ANP32E: variants seen among roughly 807,000 people sequenced by gnomAD.
The protein encoded by ANP32E is acidic leucine-rich nuclear phosphoprotein 32 family member E.
A neutral mutation model predicts 35.3 loss-of-function variants in ANP32E; 14 were observed. That is an observed-to-expected ratio of 0.40 (90% CI 0.26 to 0.62). The LOEUF (loss-of-function observed/expected upper bound fraction) is 0.62. Among genes scored for constraint, ANP32E ranks in the 20% least tolerant of loss-of-function variants. The probability of loss-of-function intolerance (pLI) is 0.45; values close to 1 mark genes in which losing one functional copy is unlikely to be tolerated. For synonymous variants in ANP32E, 89 were observed against 110.4 expected (o/e 0.81, Z 1.22); for missense variants, 198 against 304.4 (o/e 0.65, Z 2.60).
rs942770322 is a variant in ANP32E, at chr1:150,218,857, T to C, written c.*1834A>G. The C allele has an allele frequency of 2.0e-5, 3 of 152,620 alleles. No individual in the cohort carries two copies. Among genetic ancestry groups the C allele is most frequent in the Non-Finnish European group, 2.9e-5 (2 of 68,020 alleles). The allele number at this position is 152,620 out of a possible 1,614,324, so 9.5% of individuals were successfully genotyped here. A position where few individuals can be genotyped will look rare whatever the true frequency, so the allele number is the denominator to read the frequency against. On this transcript the variant is annotated 3_prime_UTR_variant, in exon 7 of 7. Transcript: ENST00000583931. ...GATGATTGATAAGAAAGTCAATATA[T>C]AGATTTCATTTTAAAAATAAGTATT...
chr1:150,225,011 A>T (rs1008237403), intron 5 of ANP32E, among the ~76,000 whole-genome samples: 1 of 152,186 alleles, frequency 6.6e-6, no homozygotes, highest in African/African-American at 2.4e-5. Flanking sequence ...AAGTGGCCAA[A>T]TTATTTTACA....
rs1553837482 is a variant in ANP32E at position 150,220,750 on chromosome 1, G to T, written c.748C>A (p.Leu250Ile). 6.2e-7 allele frequency: 1 copy of T among 1,613,682 alleles called. No homozygotes were observed. The highest frequency in any genetic ancestry group is 8.5e-7 in the Non-Finnish European group (1 of 1,179,806). Residue 250 changes from leucine to isoleucine, a missense_variant, in exon 7 of 7, where the codon CTT (leucine) becomes ATT (isoleucine). Physicochemically the swap from Leu to Ile is conservative, Grantham distance 5 (BLOSUM62 2). Coordinates refer to ENST00000583931, the MANE Select transcript of ANP32E (RefSeq NM_030920.5). ...TCTCGTTTCCTCTTCTCCCCTCGAA[G>T]ACCTCCTTCTTCTTAAAGAGTGGAA... ...EEEEEEEEGG[L>I]RGEKRKRDAE...
In ANP32E at chr1:150,235,036, G is replaced by C. The variant is rs1553842892; in HGVS notation, c.54+697C>G. On this transcript the variant is annotated intron_variant, in intron 1 of 6. Coordinates refer to ENST00000583931, the MANE Select transcript of ANP32E (RefSeq NM_030920.5). This position sits in a 1 kb window ranked among gnomAD's most constrained non-coding sequence, Gnocchi z 4.2. ...TGCCACATATCGTTACACGGCGGGG[G>C]AAGAAGCGGATTACGCCTCCCGTCC... Among the ~76,000 whole-genome samples, 1 of 152,236 alleles carries C rather than the reference G, an allele frequency of 6.6e-6. No homozygotes were observed. The highest frequency in any genetic ancestry group is 1.5e-5 in the Non-Finnish European group (1 of 68,036).
At position 150,230,594 on chromosome 1, in the gene ANP32E, C is replaced by G; in HGVS notation, c.304G>C (p.Asp102His). The change falls in exon 3 of 7, where the codon GAT becomes CAT. Residue 102 changes from aspartate to histidine, a missense_variant. Physicochemically the swap from Asp to His is moderately conservative, Grantham distance 81. Around this residue, in one of 4 missense-constraint regions of ANP32E, gnomAD observed 31 missense variants for 62.6 expected, o/e 0.50. Coordinates refer to ENST00000583931, the MANE Select transcript of ANP32E (RefSeq NM_030920.5). ...YLNLSGNKIK[D>H]LSTVEALQNL... Reference sequence around the variant, plus strand: ...ACCAGAGCTTCTACTGTACTGAGATCTTTTATTTTGTTTCCACTCAGATTG... The same window carrying G: ...ACCAGAGCTTCTACTGTACTGAGATGTTTTATTTTGTTTCCACTCAGATTG... 6.2e-7 allele frequency: 1 copy of G among 1,613,560 alleles called. No homozygotes were observed. The highest frequency in any genetic ancestry group is 8.5e-7 in the Non-Finnish European group (1 of 1,179,762).
chr1:150,224,125 C>T (rs892611813), intron 5 of ANP32E, among the ~76,000 whole-genome samples: 7 of 151,872 alleles, frequency 4.6e-5, no homozygotes, highest in Admixed American at 4.6e-4. Flanking sequence ...TACCAGTAAG[C>T]TATAAGGAGC....
intron 5 of ANP32E, among the ~76,000 whole-genome samples, chr1:150,223,832 G>A (rs1553838992): frequency 6.7e-6 from 1 of 148,832 alleles, no homozygotes. Context: ...CGCAAACTCC[G>A]CCTCCCGGGT....
rs1266912367 is a variant in ANP32E at position 150,234,723 on chromosome 1, T to C, written c.54+1010A>G. 4 of 969,218 alleles carry C rather than the reference T, an allele frequency of 4.1e-6. No homozygotes were observed. In the African/African-American group the frequency reaches 5.3e-5, roughly 13 times the overall value. The allele number at this position is 969,218 out of a possible 1,614,324, so 60.0% of individuals were successfully genotyped here. ...GGGGACTCCCCAAGGAAAAAACGGG[T>C]CGCCTCCCAACCCGCGTTGTCCTCG... is the stretch of plus-strand genomic sequence containing the variant. On this transcript the variant is annotated intron_variant, in intron 1 of 6. Coordinates refer to ENST00000583931, the MANE Select transcript of ANP32E (RefSeq NM_030920.5).
At chr1:150,222,880 C>T (rs1460728677) in intron 6 of ANP32E, among the ~76,000 whole-genome samples, 9 of 151,872 alleles carry the variant, frequency 5.9e-5, no homozygotes, top group Admixed American at 2.0e-4. Context: ...TTCACTCTGT[C>T]CAAAATGAGA....
Position 150,221,596 on chromosome 1 carries a change from G to GGAAGGAAGGAAGGAAGGAA in ANP32E, c.737-836_737-835insTTCCTTCCTTCCTTCCTTC, listed in dbSNP as rs1648404897. On this transcript the variant is annotated intron_variant, in intron 6 of 6. Transcript: ENST00000583931. ...AGAGTGGGAGGAAGGGAGGGAGGGA[G>GGAAGGAAGGAAGGAAGGAA]GGAGGGAGGGAAGGAAGGAAGGAAG... Among the ~76,000 whole-genome samples, 4 of 4,310 alleles carry GGAAGGAAGGAAGGAAGGAA rather than the reference G, an allele frequency of 9.3e-4. 1 individual carries two copies. Among genetic ancestry groups the GGAAGGAAGGAAGGAAGGAA allele is most frequent in the African/African-American group, 1.3e-3 (3 of 2,310 alleles). 2.8% of individuals were successfully genotyped at this position (4,310 alleles called of 152,430 possible).
chr1:150,233,264 CAAA>C (rs60732970), intron 1 of ANP32E, among the ~76,000 whole-genome samples: 3,001 of 86,250 alleles, frequency 0.035, 77 homozygotes, highest in African/African-American at 0.091. Context: ...GACTCTATCT[CAAA>C]AAAAAAAAAA....
chr1:150,226,091 C>T (rs1553839897), intron 5 of ANP32E, among the ~76,000 whole-genome samples: 3 of 150,706 alleles, frequency 2.0e-5, no homozygotes, highest in Admixed American at 6.6e-5. Context: ...CTGCAATCTC[C>T]GCCTCCTGAG....
rs1468221700 is a variant in ANP32E, at chr1:150,224,559, AC to A, written c.682-1320del. Reference sequence around the variant, plus strand: ...ACCCACTCCAGCCTGGGCGACAAGAACGAAACTCCGTCTCAAAAAAGAAAAA... The same window carrying A: ...ACCCACTCCAGCCTGGGCGACAAGAAGAAACTCCGTCTCAAAAAAGAAAAA... On this transcript the variant is annotated intron_variant, in intron 5 of 6. Coordinates refer to ENST00000583931, the MANE Select transcript of ANP32E (RefSeq NM_030920.5). Among the ~76,000 whole-genome samples, 99 of 132,526 alleles carry A rather than the reference AC, an allele frequency of 7.5e-4. 1 individual carries two copies. Among genetic ancestry groups the A allele is most frequent in the African/African-American group, 2.7e-3 (94 of 34,394 alleles). 86.9% of individuals were successfully genotyped at this position (132,526 alleles called of 152,430 possible). A position where few individuals can be genotyped will look rare whatever the true frequency, so the allele number is the denominator to read the frequency against.
chr1:150,224,248 G>A lies in ANP32E; in HGVS notation c.682-1008C>T, dbSNP rs1293296732. On this transcript the variant is annotated intron_variant, in intron 5 of 6. Coordinates refer to ENST00000583931, the MANE Select transcript of ANP32E (RefSeq NM_030920.5). ...CAAGAAAAAAAGGGGAAGACTGAAT[G>A]TGGCTTTTGTTGCAGAATTTGTTCA... 2.0e-5 allele frequency among the ~76,000 whole-genome samples: 3 copies of A among 152,270 alleles called. No homozygotes were observed. The East Asian group carries it at 5.8e-4, about 29-fold the overall frequency.
intron 5 of ANP32E, among the ~76,000 whole-genome samples, chr1:150,224,528 C>T (rs1304706042): frequency 1.3e-5 from 2 of 151,660 alleles, no homozygotes; most frequent in African/African-American, 2.4e-5. Flanking sequence ...GAACCGAGAT[C>T]GCACCACCCA....
intron 5 of ANP32E, 101 bp downstream of exon 5, chr1:150,226,507 C>A: frequency 6.9e-7 from 1 of 1,441,886 alleles, no homozygotes; most frequent in Non-Finnish European, 9.3e-7. Context: ...ACACCCACAA[C>A]TTAGAAACAA....
chr1:150,230,602 T>G lies in ANP32E; in HGVS notation c.296A>C (p.Lys99Thr). The change falls in exon 3 of 7, where the codon AAA (lysine) becomes ACA (threonine). Residue 99 changes from lysine to threonine, a missense_variant. Lys to Thr is a moderately conservative substitution (Grantham distance 78). Coordinates refer to ENST00000583931, the MANE Select transcript of ANP32E (RefSeq NM_030920.5). ...NLTYLNLSGN[K>T]IKDLSTVEAL... Reference sequence around the variant, plus strand: ...TTCTACTGTACTGAGATCTTTTATTTTGTTTCCACTCAGATTGAGGTAGGT... The same window carrying G: ...TTCTACTGTACTGAGATCTTTTATTGTGTTTCCACTCAGATTGAGGTAGGT... 6.2e-7 allele frequency: 1 copy of G among 1,613,752 alleles called. No individual in the cohort carries two copies. The highest frequency in any genetic ancestry group is 8.5e-7 in the Non-Finnish European group (1 of 1,179,820).
In ANP32E at chr1:150,235,603, C is replaced by A. The variant is rs1649715748; in HGVS notation, c.54+130G>T. The stretch of plus-strand genomic sequence containing the variant: ...TTTAAAACTTAAAATTAAACATTTC[C>A]CCAACCCTAACCCGGGGGGATGGGG... On this transcript the variant is annotated intron_variant, in intron 1 of 6. Coordinates refer to ENST00000583931, the MANE Select transcript of ANP32E (RefSeq NM_030920.5). This position sits in a 1 kb window ranked among gnomAD's most constrained non-coding sequence, Gnocchi z 4.2. The A allele has an allele frequency of 2.0e-6, 2 of 984,458 alleles. No homozygotes were observed. The highest frequency in any genetic ancestry group is 1.6e-5 in the South Asian group (1 of 61,342). 61.0% of individuals were successfully genotyped at this position (984,458 alleles called of 1,614,324 possible).
Position 150,236,019 on chromosome 1 carries a change from C to T in ANP32E, c.-233G>A. ...ACCTCCTTGTCCACACACTAGCGCG[C>T]GCACACACACGCACGCACGCGCGCA... is the stretch of plus-strand genomic sequence containing the variant. On this transcript the variant is annotated 5_prime_UTR_variant, in exon 1 of 7. Transcript: ENST00000583931. The T allele has an allele frequency of 1.8e-6, 1 of 548,870 alleles. No homozygotes were observed. 34.0% of individuals were successfully genotyped at this position (548,870 alleles called of 1,614,324 possible).
At chr1:150,228,338 C>T (rs765454717) in intron 4 of ANP32E, among the ~76,000 whole-genome samples, 1 of 152,074 alleles carries the variant, frequency 6.6e-6, no homozygotes, top group Non-Finnish European at 1.5e-5. Flanking sequence ...TGTATCACTA[C>T]TTCATTCATA....
Sources: gnomAD v4.1 joint callset for allele counts (sites outside exome capture counted in the v4.1 genomes callset) on GRCh38, gnomAD v4.1.1 for gene constraint, gnomAD v4.1.1 regional missense constraint, Gnocchi (gnomAD v3.1) non-coding constraint, MANE v1.5 for transcripts, NCBI Gene and HGNC (gene_info 2026-07-23, HGNC 2026-07-21) for gene names.